SYCP2: variants seen among roughly 807,000 people sequenced by gnomAD.
The protein encoded by SYCP2 is synaptonemal complex protein 2.
SYCP2 carries 55 observed loss-of-function variants against 211.3 expected under a neutral mutation model. The observed-to-expected ratio is 0.26, with a 90% CI of 0.21 to 0.33. The LOEUF is 0.33. SYCP2 is among the 10% of genes least tolerant of loss of function. The pLI is 1.00. For missense variants in SYCP2, 1,731 were observed against 1,752.0 expected (o/e 0.99, Z 0.21); for synonymous variants, 570 against 555.2 (o/e 1.03, Z -0.37).
intron 14 of SYCP2, among the ~76,000 whole-genome samples, chr20:59,911,515 T>C (rs1298050834): frequency 1.3e-5 from 2 of 152,206 alleles, no homozygotes; most frequent in Admixed American, 6.5e-5. Context: ...AAAGCTTATG[T>C]TAAAAAATGA....
rs1343460002 is a variant in SYCP2 at position 59,920,409 on chromosome 20, A to G, written c.247T>C (p.Leu83=). 3.1e-6 allele frequency: 5 copies of G among 1,610,170 alleles called. No individual in the cohort carries two copies. Among genetic ancestry groups the G allele is most frequent in the Non-Finnish European group, 4.2e-6 (5 of 1,177,558 alleles). ...ATCGTTAGAAGTCCAGCTTGCCCCAATACACTGATATTTTTGCCACATCTT... is the reference window on the plus strand; with the variant it reads ...ATCGTTAGAAGTCCAGCTTGCCCCAGTACACTGATATTTTTGCCACATCTT... The part of the protein sequence containing the change: ...VGRCGKNISV[L]GQAGLLTMIK... The change falls in exon 5 of 45, where the codon TTG becomes CTG. Residue 83 remains leucine (L), a synonymous_variant. Transcript: ENST00000357552.
intron 35 of SYCP2, among the ~76,000 whole-genome samples, chr20:59,873,378 T>C (rs2059490629): frequency 6.6e-6 from 1 of 152,146 alleles, no homozygotes; most frequent in African/African-American, 2.4e-5. Flanking sequence ...ATGGCTACTA[T>C]GTGACTAACA....
intron 21 of SYCP2, 117 bp from the exon 22 acceptor site, chr20:59,893,316 T>C (rs951180730): frequency 2.5e-6 from 2 of 787,324 alleles, no homozygotes; most frequent in Non-Finnish European, 4.0e-6. Flanking sequence ...GATTGATCGA[T>C]TTTGCATCCT....
chr20:59,864,399 G>GAAA lies in SYCP2; in HGVS notation c.4516-14_4516-12dup, dbSNP rs143859419. 421 of 1,401,918 alleles carry GAAA rather than the reference G, an allele frequency of 3.0e-4. No individual in the cohort carries two copies. The highest frequency in any genetic ancestry group is 9.3e-4 in the Middle Eastern group (5 of 5,356). 86.8% of individuals were successfully genotyped at this position (1,401,918 alleles called of 1,614,324 possible). ...AAGCTCCTCTTCTAGCTATAGCCAA[G>GAAA]AAAAAAAAAATCACACTTAGATTTC... On this transcript the variant is annotated splice_polypyrimidine_tract_variant and intron_variant, in intron 44 of 44. Coordinates refer to ENST00000357552, the MANE Select transcript of SYCP2 (RefSeq NM_014258.4).
At position 59,922,419 on chromosome 20, in the gene SYCP2, C is replaced by T. The variant is rs2060558326; in HGVS notation, c.-6G>A. On this transcript the variant is annotated 5_prime_UTR_variant, in exon 3 of 45. Coordinates refer to ENST00000357552, the MANE Select transcript of SYCP2 (RefSeq NM_014258.4). ...AGATCTGGTCTTATTGGCATTTTGA[C>T]TTCATTTAAAAAAAAAAAAAAAGCA... is the stretch of plus-strand genomic sequence containing the variant. 1.3e-6 allele frequency: 2 copies of T among 1,511,902 alleles called. No homozygotes were observed. Among genetic ancestry groups the T allele is most frequent in the Admixed American group, 4.3e-5 (2 of 46,078 alleles). 93.7% of individuals were successfully genotyped at this position (1,511,902 alleles called of 1,614,324 possible).
chr20:59,865,460 T>C lies in SYCP2; in HGVS notation c.4459-16A>G. ...TCAAACACATCTGTAAAAAAGTAAA[T>C]ATATTTCACCCATGAAATTTACCAT... On this transcript the variant is annotated splice_polypyrimidine_tract_variant and intron_variant, in intron 43 of 44. Coordinates refer to ENST00000357552, the MANE Select transcript of SYCP2 (RefSeq NM_014258.4). The C allele has an allele frequency of 1.2e-6, 2 of 1,603,582 alleles. No individual in the cohort carries two copies. Among genetic ancestry groups the C allele is most frequent in the Non-Finnish European group, 1.7e-6 (2 of 1,175,102 alleles).
At chr20:59,896,882 A>C (rs1256983508) in intron 18 of SYCP2, among the ~76,000 whole-genome samples, 2 of 152,184 alleles carry the variant, frequency 1.3e-5, no homozygotes, top group East Asian at 1.9e-4. Context: ...TCATGAGGAT[A>C]ATGTTTGGAT....
At chr20:59,881,667 T>G (rs184842674) in intron 28 of SYCP2, among the ~76,000 whole-genome samples, 175 bp from the exon 29 acceptor site, 1 of 141,930 alleles carries the variant, frequency 7.0e-6, no homozygotes, top group Non-Finnish European at 1.5e-5. Flanking sequence ...AATAGAATAG[T>G]TTTTTTTTTC....
chr20:59,927,427 A>G (rs1476221833), intron 2 of SYCP2, among the ~76,000 whole-genome samples: 1 of 152,128 alleles, frequency 6.6e-6, no homozygotes, highest in African/African-American at 2.4e-5. Context: ...TGGAATGGGA[A>G]GTAAAACAGT....
intron 33 of SYCP2, among the ~76,000 whole-genome samples, chr20:59,876,812 AT>A (rs1434253993): frequency 5.3e-5 from 8 of 152,160 alleles, no homozygotes; most frequent in Non-Finnish European, 1.2e-4. Context: ...AAGTATATAT[AT>A]TTTTCCCATA....
intron 35 of SYCP2, 53 bp downstream of exon 35, chr20:59,873,803 C>A: frequency 7.0e-7 from 1 of 1,434,502 alleles, no homozygotes; most frequent in East Asian, 2.4e-5. Flanking sequence ...GGGAAAATAA[C>A]TTACTACCTT....
chr20:59,880,465 T>C lies in SYCP2; in HGVS notation c.2779A>G (p.Thr927Ala), dbSNP rs758669638. Reference sequence around the variant, plus strand: ...AACAGATTTTTCTTTTGATGATTTGTTATAATCTATAAAAAAAAGTTTGAA... The same window carrying C: ...AACAGATTTTTCTTTTGATGATTTGCTATAATCTATAAAAAAAAGTTTGAA... The part of the protein sequence containing the change: ...SVKTKDKKII[T>A]NHQKKNLFSD... Residue 927 changes from threonine (T) to alanine (A), a missense_variant, in exon 31 of 45, where the codon ACA becomes GCA. Physicochemically the swap from Thr to Ala is moderately conservative, Grantham distance 58. Around this residue, in one of 3 missense-constraint regions of SYCP2, gnomAD observed 1,387 missense variants for 1,351.3 expected, o/e 1.03. Coordinates refer to ENST00000357552, the MANE Select transcript of SYCP2 (RefSeq NM_014258.4). 5.8e-6 allele frequency: 9 copies of C among 1,546,262 alleles called. No individual in the cohort carries two copies. In the South Asian group the frequency reaches 1.1e-4, roughly 19 times the overall value.
intron 31 of SYCP2, among the ~76,000 whole-genome samples, chr20:59,879,805 T>G (rs533827505): frequency 8.2e-6 from 1 of 122,542 alleles, no homozygotes; most frequent in East Asian, 2.3e-4. Context: ...AGATGGGATA[T>G]TTAGTAAATA....
intron 18 of SYCP2, among the ~76,000 whole-genome samples, chr20:59,898,727 G>C (rs914873308): frequency 1.3e-5 from 2 of 151,688 alleles, no homozygotes; most frequent in Non-Finnish European, 2.9e-5. Context: ...ACAAAAAAAA[G>C]ATATGTAAAA....
Position 59,865,323 on chromosome 20 carries a change from CAAAA to C in SYCP2, c.4515+61_4515+64del, listed in dbSNP as rs371050307. ...AAAGAAAGACATAAAAGCACACACACAAAAAAATCAAAAACAAAAGACATTAAAG... is the reference window on the plus strand; with the variant it reads ...AAAGAAAGACATAAAAGCACACACACAAATCAAAAACAAAAGACATTAAAG... On this transcript the variant is annotated intron_variant, in intron 44 of 44. Transcript: ENST00000357552. 140 of 1,327,266 alleles carry C rather than the reference CAAAA, an allele frequency of 1.1e-4. No homozygotes were observed. In the African/African-American group the frequency reaches 1.6e-3, roughly 15 times the overall value. The allele number at this position is 1,327,266 out of a possible 1,614,324, so 82.2% of individuals were successfully genotyped here.
At chr20:59,913,291 T>C (rs1386614101) in intron 12 of SYCP2, among the ~76,000 whole-genome samples, 2 of 152,130 alleles carry the variant, frequency 1.3e-5, no homozygotes, top group African/African-American at 2.4e-5. Context: ...ATTTGCCCAA[T>C]ATTAGAACAG....
chr20:59,902,535 C>T (rs891992630), intron 15 of SYCP2, among the ~76,000 whole-genome samples: 1 of 151,988 alleles, frequency 6.6e-6, no homozygotes, highest in African/African-American at 2.4e-5. Context: ...TACTTTCGGG[C>T]AAGAGAAAAA....
At chr20:59,885,818 T>G (rs1471663843) in intron 26 of SYCP2, 110 bp downstream of exon 26, 1 of 833,408 alleles carries the variant, frequency 1.2e-6, no homozygotes, top group Non-Finnish European at 1.9e-6. Flanking sequence ...TTTAGCAATA[T>G]TCTGAAAACA....
intron 8 of SYCP2, 86 bp from the exon 9 acceptor site, chr20:59,915,636 G>A (rs747104226): frequency 1.2e-6 from 1 of 857,030 alleles, no homozygotes. Context: ...AAACTTAGAA[G>A]CCTAATTTTT....
Sources: allele counts gnomAD v4.1 joint callset (sites outside exome capture counted in the v4.1 genomes callset), GRCh38; gene constraint gnomAD v4.1.1; regional missense constraint gnomAD v4.1.1; transcripts MANE v1.5; gene names NCBI Gene and HGNC (gene_info 2026-07-23, HGNC 2026-07-21).